Variants in FBP2 observed in about 807,000 individuals in gnomAD.
FBP2 encodes fructose-1,6-bisphosphatase isozyme 2.
Under a neutral mutation model 31.6 loss-of-function variants are expected in FBP2, and 27 were observed. The observed-to-expected ratio is 0.85, with a 90% CI of 0.63 to 1.18. FBP2 has a LOEUF of 1.18. Ranked by LOEUF, FBP2 falls within the 50% of genes most tolerant of loss-of-function variation. The pLI is 0.00. For missense variants in FBP2, 421 were observed against 436.1 expected (o/e 0.97, Z 0.31); for synonymous variants, 168 against 179.8 (o/e 0.93, Z 0.53).
chr9:94,589,234 G>A (rs1435058329), intron 1 of FBP2, among the ~76,000 whole-genome samples: 3 of 152,148 alleles, frequency 2.0e-5, no homozygotes, highest in Admixed American at 1.3e-4. Flanking sequence ...CGTTCCAACA[G>A]CCGCAGATGT....
At chr9:94,565,643 C>G (rs114625686) in intron 5 of FBP2, among the ~76,000 whole-genome samples, 1,744 of 151,852 alleles carry the variant, frequency 0.011, 33 homozygotes, top group African/African-American at 0.04. Context: ...AAGGACTTGA[C>G]ATAACAGAGA....
intron 4 of FBP2, among the ~76,000 whole-genome samples, chr9:94,571,216 TAAG>T (rs1246970493): frequency 4.6e-5 from 7 of 152,232 alleles, no homozygotes; most frequent in African/African-American, 1.7e-4. Flanking sequence ...ATGAGCTCCT[TAAG>T]GAGAGGGCCT....
At chr9:94,587,597 C>T (rs1827442987) in intron 1 of FBP2, 128 bp from the exon 2 acceptor site, 2 of 809,282 alleles carry the variant, frequency 2.5e-6, no homozygotes, top group African/African-American at 1.7e-5. Flanking sequence ...CCAAGTCACA[C>T]GTGCAGAAGA....
chr9:94,592,099 C>T (rs1326696935), intron 1 of FBP2, among the ~76,000 whole-genome samples: 1 of 152,156 alleles, frequency 6.6e-6, no homozygotes, highest in East Asian at 1.9e-4. Context: ...AGGCAAAGTC[C>T]CTGTCTACCG....
intron 5 of FBP2, among the ~76,000 whole-genome samples, chr9:94,566,734 A>C (rs1827195355): frequency 6.6e-6 from 1 of 152,320 alleles, no homozygotes; most frequent in Non-Finnish European, 1.5e-5. Flanking sequence ...AGACTGCCTT[A>C]AGATTAAATT....
intron 6 of FBP2, among the ~76,000 whole-genome samples, chr9:94,562,897 G>A (rs535453861): frequency 7.9e-5 from 12 of 152,314 alleles, no homozygotes; most frequent in Admixed American, 3.3e-4. Context: ...GCGGACTTCA[G>A]GGCATCAGTG....
Position 94,571,442 on chromosome 9 carries a change from A to G in FBP2, c.567+20T>C, listed in dbSNP as rs1282792213. 9 of 1,588,752 alleles carry G rather than the reference A, an allele frequency of 5.7e-6. No individual in the cohort carries two copies. The Admixed American group carries it at 1.6e-4, about 28-fold the overall frequency. ...CCCATGGAGTCCCCAGGCACAGATG[A>G]TGCCATATTCTGTACCTACCGGGTC... On this transcript the variant is annotated intron_variant, in intron 4 of 6. Transcript: ENST00000375337.
intron 3 of FBP2, among the ~76,000 whole-genome samples, chr9:94,582,422 G>A (rs1452961455): frequency 1.3e-5 from 2 of 151,518 alleles, no homozygotes; most frequent in Non-Finnish European, 2.9e-5. Flanking sequence ...GTCTTGCTCT[G>A]TTGCCCAGGC....
intron 3 of FBP2, among the ~76,000 whole-genome samples, chr9:94,575,209 A>G (rs1472754717): frequency 6.6e-6 from 1 of 152,206 alleles, no homozygotes; most frequent in Non-Finnish European, 1.5e-5. Context: ...CATAACATCC[A>G]GATCCATTTA....
At chr9:94,578,935 C>T (rs1321139783) in intron 3 of FBP2, among the ~76,000 whole-genome samples, 6 of 148,802 alleles carry the variant, frequency 4.0e-5, no homozygotes, top group Non-Finnish European at 7.4e-5. Context: ...CACCTGTAGT[C>T]CCAGCTACTC....
In FBP2 at chr9:94,558,892, G is replaced by T; in HGVS notation, c.*46C>A. ...GTTTATCGTTCATTTAGGGTCCTTAGACAAGGTGCAAGACAAACAGAAGAG... is the reference window on the plus strand; with the variant it reads ...GTTTATCGTTCATTTAGGGTCCTTATACAAGGTGCAAGACAAACAGAAGAG... On this transcript the variant is annotated 3_prime_UTR_variant, in exon 7 of 7. Transcript: ENST00000375337. The T allele has an allele frequency of 6.4e-7, 1 of 1,573,016 alleles. No individual in the cohort carries two copies. Among genetic ancestry groups the T allele is most frequent in the South Asian group, 1.1e-5 (1 of 90,088 alleles).
chr9:94,562,003 G>C (rs1827112518), intron 6 of FBP2, among the ~76,000 whole-genome samples: 1 of 152,056 alleles, frequency 6.6e-6, no homozygotes, highest in Admixed American at 6.6e-5. Flanking sequence ...TAAGTGACCA[G>C]AGTGGTTCTA....
In FBP2 at chr9:94,591,583, T is replaced by G. The variant is rs148326525; in HGVS notation, c.170+1974A>C. Among the ~76,000 whole-genome samples the G allele has an allele frequency of 0.025, 3,731 of 152,256 alleles. 227 individuals are homozygous for G. In the East Asian group the frequency reaches 0.26, roughly 11 times the overall value. On this transcript the variant is annotated intron_variant, in intron 1 of 6. Transcript: ENST00000375337. ...CTCCAGCCTTGGCCAGCCCAGAAAG[T>G]GGCTCCCACAGTGCAGTGGGGGGCT...
chr9:94,564,657 C>T (rs1827159696), intron 5 of FBP2, among the ~76,000 whole-genome samples: 1 of 151,906 alleles, frequency 6.6e-6, no homozygotes, highest in Non-Finnish European at 1.5e-5. Context: ...CTGGGGCCTA[C>T]GTGAGGGTGG....
At chr9:94,582,356 G>A (rs1380410124) in intron 3 of FBP2, among the ~76,000 whole-genome samples, 1 of 7,568 alleles carries the variant, frequency 1.3e-4, no homozygotes, top group Non-Finnish European at 6.6e-4. Context: ...GTGTGCGTGT[G>A]TGTGTGTGTG....
chr9:94,565,176 C>T (rs561366538), intron 5 of FBP2, among the ~76,000 whole-genome samples: 1 of 152,134 alleles, frequency 6.6e-6, no homozygotes, highest in African/African-American at 2.4e-5. Context: ...GCGTTCAAGA[C>T]CAGCCTGACC....
At chr9:94,590,415 G>T (rs1410318002) in intron 1 of FBP2, among the ~76,000 whole-genome samples, 1 of 150,350 alleles carries the variant, frequency 6.7e-6, no homozygotes, top group East Asian at 2.0e-4. Context: ...TTGCTAGAAA[G>T]ATCTCCCCAA....
chr9:94,580,373 C>T (rs1428827773), intron 3 of FBP2, among the ~76,000 whole-genome samples: 3 of 152,102 alleles, frequency 2.0e-5, no homozygotes, highest in East Asian at 1.9e-4. Flanking sequence ...TGGTCCAACA[C>T]GCCCAGCTAA....
chr9:94,579,214 T>C (rs2460137), intron 3 of FBP2, among the ~76,000 whole-genome samples: 144,346 of 150,072 alleles, frequency 0.96, 69,434 homozygotes, highest in East Asian at 1. Flanking sequence ...CTGGCTAACA[T>C]GGTGAAACCC....
Sources: allele counts gnomAD v4.1 joint callset (sites outside exome capture counted in the v4.1 genomes callset), GRCh38; gene constraint gnomAD v4.1.1; transcripts MANE v1.5; gene names NCBI Gene and HGNC (gene_info 2026-07-23, HGNC 2026-07-21).